Variants in IGDCC4 observed in about 807,000 individuals in gnomAD.
IGDCC4 encodes the protein immunoglobulin superfamily DCC subclass member 4.
IGDCC4 carries 72 observed loss-of-function variants against 116.6 expected under a neutral mutation model. The ratio of observed to expected loss-of-function variants is 0.62; its 90% CI spans 0.51 to 0.75. The LOEUF (loss-of-function observed/expected upper bound fraction) is 0.75, where lower values mean the gene tolerates loss of function less well. Among genes scored for constraint, IGDCC4 ranks in the 30% least tolerant of loss-of-function variants. The pLI is 0.00. For missense variants in IGDCC4, 1,501 were observed against 1,662.4 expected (o/e 0.90, Z 1.69); for synonymous variants, 709 against 719.9 (o/e 0.98, Z 0.24).
At chr15:65,396,794 C>G in intron 6 of IGDCC4, 40 bp downstream of exon 6, 1 of 1,546,900 alleles carries the variant, frequency 6.5e-7, no homozygotes, top group South Asian at 1.2e-5. Context: ...TCACCCCAGC[C>G]CCAGCTAACC....
chr15:65,397,148 C>G (rs1208244585), intron 5 of IGDCC4, among the ~76,000 whole-genome samples, 159 bp from the exon 6 acceptor site: 1 of 152,232 alleles, frequency 6.6e-6, no homozygotes, highest in Non-Finnish European at 1.5e-5. Context: ...CTGAGCCCGG[C>G]TGTCTCCATC....
chr15:65,385,713 G>C, intron 18 of IGDCC4, 118 bp downstream of exon 18: 1 of 847,864 alleles, frequency 1.2e-6, no homozygotes, highest in Non-Finnish European at 2.0e-6. Context: ...AGAGGCCCTA[G>C]CGTCCGCAGC....
At chr15:65,388,659 G>T in intron 15 of IGDCC4, 73 bp from the exon 16 acceptor site, 1 of 1,604,162 alleles carries the variant, frequency 6.2e-7, no homozygotes, top group Admixed American at 1.7e-5. Context: ...GCAGGGAGGG[G>T]ACTGGGAGAG....
At chr15:65,396,302 T>G in intron 6 of IGDCC4, 139 bp from the exon 7 acceptor site, 1 of 905,548 alleles carries the variant, frequency 1.1e-6, no homozygotes, top group Non-Finnish European at 1.7e-6. Context: ...GATTCACCCT[T>G]TCCAAACTAC....
At chr15:65,396,292 G>A in intron 6 of IGDCC4, 129 bp from the exon 7 acceptor site, 1 of 1,018,366 alleles carries the variant, frequency 9.8e-7, no homozygotes, top group Non-Finnish European at 1.4e-6. Flanking sequence ...ACCTCTCCCT[G>A]ATTCACCCTT....
chr15:65,389,794 C>G (rs780946336), intron 13 of IGDCC4, among the ~76,000 whole-genome samples: 14 of 152,188 alleles, frequency 9.2e-5, no homozygotes, highest in Non-Finnish European at 1.6e-4. Context: ...GCTCTGTCTC[C>G]CCATCTAACA....
chr15:65,388,708 C>T, intron 15 of IGDCC4, 100 bp downstream of exon 15: 2 of 1,591,566 alleles, frequency 1.3e-6, no homozygotes, highest in Non-Finnish European at 1.7e-6. Context: ...GCTTGCTTCT[C>T]CCAGTAGCCC....
At chr15:65,411,942 A>G (rs2063098271) in intron 1 of IGDCC4, among the ~76,000 whole-genome samples, 2 of 152,242 alleles carry the variant, frequency 1.3e-5, no homozygotes, top group African/African-American at 4.8e-5. Flanking sequence ...ATATGAATAT[A>G]CTAAAAACCA....
In IGDCC4 at chr15:65,383,956, G is replaced by T; in HGVS notation, c.*53C>A. The T allele has an allele frequency of 1.4e-6, 2 of 1,458,098 alleles. No individual in the cohort carries two copies. Among genetic ancestry groups the T allele is most frequent in the East Asian group, 2.4e-5 (1 of 42,510 alleles). The allele number at this position is 1,458,098 out of a possible 1,614,324, so 90.3% of individuals were successfully genotyped here. A position where few individuals can be genotyped will look rare whatever the true frequency, so the allele number is the denominator to read the frequency against. On this transcript the variant is annotated 3_prime_UTR_variant, in exon 20 of 20. Transcript: ENST00000352385. ...GTGGACATACACGGCCACAGGTATC[G>T]CATCCTATGTGATCCATACCTGCCT...
intron 7 of IGDCC4, 129 bp downstream of exon 7, chr15:65,395,621 G>A (rs2062915681): frequency 1.9e-6 from 2 of 1,055,438 alleles, no homozygotes; most frequent in Non-Finnish European, 1.3e-6. Flanking sequence ...TCTCCTATGG[G>A]CTCCTACCCC....
At chr15:65,410,358 T>A (rs773693462) in intron 2 of IGDCC4, 39 bp from the exon 3 acceptor site, 3 of 1,611,212 alleles carry the variant, frequency 1.9e-6, no homozygotes, top group African/African-American at 1.3e-5. Flanking sequence ...GGGAAAAGAA[T>A]AGGAGAGAGA....
chr15:65,396,508 T>A, intron 6 of IGDCC4: 1 of 555,258 alleles, frequency 1.8e-6, no homozygotes. Context: ...ACCTACCAGA[T>A]CTACCCTGCC....
chr15:65,384,233 C>T lies in IGDCC4; in HGVS notation c.3529G>A (p.Ala1177Thr), dbSNP rs1485960132. The change falls in exon 20 of 20, where the codon GCA becomes ACA. Residue 1177 changes from alanine (A) to threonine (T), a missense_variant. This residue lies in a region of IGDCC4 where 368 missense variants were observed against 355.6 expected (regional missense o/e 1.03). Coordinates refer to ENST00000352385, the MANE Select transcript of IGDCC4 (RefSeq NM_020962.3). The surrounding 1 kb of genome is among the most constrained non-coding windows in gnomAD (Gnocchi z 4.9). ...ISGVGDPGQG[A>T]AWLDRELGGC... ...CCCAACTCCCTGTCCAGCCAGGCTGCCCCCTGCCCTGGATCCCCAACACCC... is the reference window on the plus strand; with the variant it reads ...CCCAACTCCCTGTCCAGCCAGGCTGTCCCCTGCCCTGGATCCCCAACACCC... 1.0e-5 allele frequency: 16 copies of T among 1,598,646 alleles called. No homozygotes were observed. Among genetic ancestry groups the T allele is most frequent in the Non-Finnish European group, 1.4e-5 (16 of 1,169,158 alleles).
chr15:65,389,613 G>A (rs546489493), intron 13 of IGDCC4, among the ~76,000 whole-genome samples: 2 of 152,128 alleles, frequency 1.3e-5, no homozygotes, highest in Non-Finnish European at 2.9e-5. Flanking sequence ...GTCCAATCTC[G>A]AAACCAGACC....
Position 65,411,386 on chromosome 15 carries a change from G to C in IGDCC4, c.71-16C>G. ...AGCAGCTCCCCTGCATAGAGGAGGA[G>C]CACGGGGCCATCAGTGTATGTCCCC... On this transcript the variant is annotated splice_polypyrimidine_tract_variant and intron_variant, in intron 1 of 19. Transcript: ENST00000352385. 6.5e-7 allele frequency: 1 copy of C among 1,535,690 alleles called. No homozygotes were observed. The highest frequency in any genetic ancestry group is 1.9e-5 in the Admixed American group (1 of 52,206).
chr15:65,397,030 G>T (rs1259286994), intron 5 of IGDCC4, 41 bp from the exon 6 acceptor site: 18 of 1,556,896 alleles, frequency 1.2e-5, no homozygotes, highest in Non-Finnish European at 1.5e-5. Context: ...GGACGCTAGG[G>T]ACTGCCCTTC....
chr15:65,409,480 A>G (rs572559786), intron 3 of IGDCC4, among the ~76,000 whole-genome samples: 1 of 152,274 alleles, frequency 6.6e-6, no homozygotes, highest in African/African-American at 2.4e-5. Context: ...GAGTCATGAG[A>G]CCAACTCAGA....
At position 65,388,943 on chromosome 15, in the gene IGDCC4, G is replaced by A. The variant is rs1252735736; in HGVS notation, c.2572C>T (p.Pro858Ser). Residue 858 changes from proline to serine, a missense_variant, in exon 15 of 20, where the codon CCC (proline) becomes TCC (serine). Around this residue, in one of 3 missense-constraint regions of IGDCC4, gnomAD observed 235 missense variants for 328.0 expected, o/e 0.72. Coordinates refer to ENST00000352385, the MANE Select transcript of IGDCC4 (RefSeq NM_020962.3). Reference sequence around the variant, plus strand: ...AGCCGAACCGTGGACGGTGTCAGGGGGCTCAGTCGCAGGTCGGATGGGGGT... The same window carrying A: ...AGCCGAACCGTGGACGGTGTCAGGGAGCTCAGTCGCAGGTCGGATGGGGGT... The part of the protein sequence containing the change: ...STPPSDLRLS[P>S]LTPSTVRLHW... 1 of 1,611,448 alleles carries A rather than the reference G, an allele frequency of 6.2e-7. No homozygotes were observed. The highest frequency in any genetic ancestry group is 1.1e-5 in the South Asian group (1 of 90,778).
rs1240426285 is a variant in IGDCC4 at position 65,395,284 on chromosome 15, T to A, written c.1412-26A>T. 2.5e-6 allele frequency: 4 copies of A among 1,595,016 alleles called. No homozygotes were observed. The South Asian group carries it at 4.5e-5, about 18-fold the overall frequency. ...CTGGTGACACGGGGGACAAGGGGACTGTCATAGTGCCACCCCCCCGTGCTG... is the reference window on the plus strand; with the variant it reads ...CTGGTGACACGGGGGACAAGGGGACAGTCATAGTGCCACCCCCCCGTGCTG... On this transcript the variant is annotated intron_variant, in intron 7 of 19. Transcript: ENST00000352385.
Sources: gnomAD v4.1 joint callset for allele counts (sites outside exome capture counted in the v4.1 genomes callset) on GRCh38, gnomAD v4.1.1 for gene constraint, gnomAD v4.1.1 regional missense constraint, Gnocchi (gnomAD v3.1) non-coding constraint, MANE v1.5 for transcripts, NCBI Gene and HGNC (gene_info 2026-07-23, HGNC 2026-07-21) for gene names.